The following DDX24 variants were observed in gnomAD, a reference collection of about 807,000 sequenced individuals.
DDX24 encodes ATP-dependent RNA helicase DDX24.
In DDX24, 24 loss-of-function variants were observed where a neutral mutation model predicts 68.9. That is an observed-to-expected ratio of 0.35 (90% CI 0.25 to 0.49). The LOEUF is 0.49. DDX24 is among the 20% of genes least tolerant of loss of function. The pLI is 0.99. For synonymous variants in DDX24, 395 were observed against 385.2 expected (o/e 1.03, Z -0.30); for missense variants, 989 against 1,039.0 (o/e 0.95, Z 0.66).
At position 94,055,028 on chromosome 14, in the gene DDX24, G is replaced by C; in HGVS notation, c.2146C>G (p.Pro716Ala). 2.5e-6 allele frequency: 4 copies of C among 1,614,154 alleles called. No individual in the cohort carries two copies. Among genetic ancestry groups the C allele is most frequent in the Non-Finnish European group, 3.4e-6 (4 of 1,180,018 alleles). The change falls in exon 7 of 9, where the codon CCC (proline) becomes GCC (alanine). Residue 716 changes from proline (P) to alanine (A), a missense_variant. Around this residue, in one of 3 missense-constraint regions of DDX24, gnomAD observed 691 missense variants for 760.0 expected, o/e 0.91. Coordinates refer to ENST00000621632, the MANE Select transcript of DDX24 (RefSeq NM_020414.4). ...LKKDEDIPLFPVQTKYMDVVK... is the reference protein window; with the variant it reads ...LKKDEDIPLFAVQTKYMDVVK... ...ACATCCATGTATTTTGTCTGCACGG[G>C]GAACAGTGGGATATCCTCATCTTTC...
At chr14:94,076,411 A>G (rs1885941181) in intron 2 of DDX24, among the ~76,000 whole-genome samples, 1 of 152,136 alleles carries the variant, frequency 6.6e-6, no homozygotes, top group African/African-American at 2.4e-5. Flanking sequence ...GGCCGGGGAC[A>G]GTGGCTCACA....
intron 8 of DDX24, 72 bp downstream of exon 8, chr14:94,052,926 G>A: frequency 6.5e-7 from 1 of 1,548,816 alleles, no homozygotes; most frequent in East Asian, 2.3e-5. Context: ...CAGTAGTAGA[G>A]ATGGTTCCAA....
At chr14:94,058,723 C>T (rs1567058227) in intron 5 of DDX24, among the ~76,000 whole-genome samples, 1 of 152,220 alleles carries the variant, frequency 6.6e-6, no homozygotes, top group African/African-American at 2.4e-5. Context: ...CCCTGCATGT[C>T]TGAGCTGAGG....
intron 7 of DDX24, 89 bp downstream of exon 7, chr14:94,054,907 G>T: frequency 7.0e-7 from 1 of 1,428,854 alleles, no homozygotes; most frequent in Non-Finnish European, 9.7e-7. Context: ...AGTTTTCAAG[G>T]GTTATGCTGC....
chr14:94,079,174 T>C lies in DDX24; in HGVS notation c.569A>G (p.Asp190Gly). The C allele has an allele frequency of 6.2e-7, 1 of 1,614,226 alleles. No homozygotes were observed. The highest frequency in any genetic ancestry group is 8.5e-7 in the Non-Finnish European group (1 of 1,180,048). Reference sequence around the variant, plus strand: ...AAACAGGTCCTTCCAAGCTGACACATCTGCTTTCTGATCATGAACTTCAGG... The same window carrying C: ...AAACAGGTCCTTCCAAGCTGACACACCTGCTTTCTGATCATGAACTTCAGG... The part of the protein sequence containing the change: ...WIPEVHDQKA[D>G]VSAWKDLFVP... The change falls in exon 2 of 9, where the codon GAT becomes GGT. Residue 190 changes from aspartate to glycine, a missense_variant. Asp to Gly is a moderately conservative substitution (Grantham distance 94). Around this residue, in one of 3 missense-constraint regions of DDX24, gnomAD observed 295 missense variants for 263.0 expected, o/e 1.12. Coordinates refer to ENST00000621632, the MANE Select transcript of DDX24 (RefSeq NM_020414.4).
In DDX24 at chr14:94,062,595, T is replaced by C. The variant is rs1435981130; in HGVS notation, c.745A>G (p.Ile249Val). 6.2e-7 allele frequency: 1 copy of C among 1,601,032 alleles called. No homozygotes were observed. Among genetic ancestry groups the C allele is most frequent in the South Asian group, 1.1e-5 (1 of 88,490 alleles). The change falls in exon 3 of 9, where the codon ATC becomes GTC. Residue 249 changes from isoleucine (I) to valine (V), a missense_variant. Physicochemically the swap from Ile to Val is conservative, Grantham distance 29. Transcript: ENST00000621632. ...TGCAACACCGCATGAATCATTGGGA[T>C]GGCAAAGGCAAGAGTTTTCCCACTT... ...TGSGKTLAFA[I>V]PMIHAVLQWQ...
intron 2 of DDX24, among the ~76,000 whole-genome samples, chr14:94,070,903 A>C (rs1340147261): frequency 6.6e-6 from 1 of 152,218 alleles, no homozygotes. Flanking sequence ...AAACTATAAA[A>C]ATTCCAGAAA....
intron 2 of DDX24, among the ~76,000 whole-genome samples, chr14:94,073,860 G>A (rs9646174): frequency 0.14 from 20,725 of 151,712 alleles, 1,916 homozygotes; most frequent in Middle Eastern, 0.22. Context: ...TGGTTAACAC[G>A]GTGAAACCCT....
intron 2 of DDX24, among the ~76,000 whole-genome samples, chr14:94,078,007 G>C (rs968084433): frequency 6.6e-6 from 1 of 151,296 alleles, no homozygotes; most frequent in Non-Finnish European, 1.5e-5. Context: ...TGCATCTGTG[G>C]ATCGACAATA....
At chr14:94,072,341 T>A (rs184628284) in intron 2 of DDX24, among the ~76,000 whole-genome samples, 1 of 152,286 alleles carries the variant, frequency 6.6e-6, no homozygotes, top group East Asian at 1.9e-4. Context: ...CTAAGTGAGG[T>A]AACTCAGGAA....
rs375550422 is a variant in DDX24 at position 94,066,832 on chromosome 14, C to T, written c.719-4211G>A. On this transcript the variant is annotated intron_variant, in intron 2 of 8. Coordinates refer to ENST00000621632, the MANE Select transcript of DDX24 (RefSeq NM_020414.4). The stretch of plus-strand genomic sequence containing the variant: ...ACTCCATGAGACAAAAGAATCTGAA[C>T]AACAGCCTTCAGCCCTAGACCTTCC... 7.9e-5 allele frequency among the ~76,000 whole-genome samples: 12 copies of T among 152,308 alleles called. No individual in the cohort carries two copies. The East Asian group carries it at 2.3e-3, about 29-fold the overall frequency.
chr14:94,079,623 T>C lies in DDX24; in HGVS notation c.120A>G (p.Ala40=). The C allele has an allele frequency of 3.7e-6, 6 of 1,614,218 alleles. No individual in the cohort carries two copies. Among genetic ancestry groups the C allele is most frequent in the Non-Finnish European group, 5.1e-6 (6 of 1,180,040 alleles). Residue 40 remains alanine, a synonymous_variant, in exon 2 of 9, where the codon GCA becomes GCG. Transcript: ENST00000621632. Reference sequence around the variant, plus strand: ...ACACCAAGTCATCCATCTGTCCATCTGCAAACATATTTGGGTCAATCTTCA... The same window carrying C: ...ACACCAAGTCATCCATCTGTCCATCCGCAAACATATTTGGGTCAATCTTCA... ...KEVKIDPNMF[A]DGQMDDLVCF...
intron 2 of DDX24, among the ~76,000 whole-genome samples, chr14:94,064,751 T>C (rs1309114991): frequency 6.6e-6 from 1 of 152,350 alleles, no homozygotes; most frequent in East Asian, 1.9e-4. Flanking sequence ...ACAAGTAAAG[T>C]GTTTCCCTGA....
At chr14:94,061,949 C>T (rs746011166) in intron 3 of DDX24, 148 bp downstream of exon 3, 1 of 896,808 alleles carries the variant, frequency 1.1e-6, no homozygotes, top group Non-Finnish European at 1.6e-6. Context: ...AAAAATGTCA[C>T]TATATCAATT....
chr14:94,065,561 G>T (rs377575339), intron 2 of DDX24, among the ~76,000 whole-genome samples: 2 of 152,192 alleles, frequency 1.3e-5, no homozygotes, highest in Non-Finnish European at 2.9e-5. Flanking sequence ...GGCTTGCATT[G>T]TGAGTTTTAG....
intron 5 of DDX24, 54 bp downstream of exon 5, chr14:94,060,042 CCT>C (rs1246569198): frequency 3.3e-6 from 5 of 1,538,236 alleles, no homozygotes; most frequent in African/African-American, 1.4e-5. Flanking sequence ...CATCCTGACC[CCT>C]TTTACCCCAG....
In DDX24 at chr14:94,060,975, T is replaced by A; in HGVS notation, c.1335A>T (p.Pro445=). Residue 445 remains proline, a synonymous_variant, in exon 4 of 9, where the codon CCA becomes CCT. Coordinates refer to ENST00000621632, the MANE Select transcript of DDX24 (RefSeq NM_020414.4). The part of the protein sequence containing the change: ...NRRPEIVVAT[P]GRLWELIKEK... Reference sequence around the variant, plus strand: ...CTTTAATTAATTCCCACAGCCGGCCTGGAGTAGCAACCACAATCTCAGGAC... The same window carrying A: ...CTTTAATTAATTCCCACAGCCGGCCAGGAGTAGCAACCACAATCTCAGGAC... The A allele has an allele frequency of 6.2e-7, 1 of 1,614,212 alleles. No individual in the cohort carries two copies. The highest frequency in any genetic ancestry group is 8.5e-7 in the Non-Finnish European group (1 of 1,180,030).
intron 5 of DDX24, among the ~76,000 whole-genome samples, chr14:94,059,200 T>C (rs566320163): frequency 1.3e-5 from 2 of 152,394 alleles, no homozygotes; most frequent in East Asian, 3.9e-4. Flanking sequence ...ACACTTGTTC[T>C]AGAAACTAAT....
chr14:94,071,776 T>A (rs1885836755), intron 2 of DDX24, among the ~76,000 whole-genome samples: 1 of 151,988 alleles, frequency 6.6e-6, no homozygotes, highest in Admixed American at 6.6e-5. Context: ...AGAAACCACG[T>A]CTCTACTAAA....
Sources: allele counts gnomAD v4.1 joint callset (sites outside exome capture counted in the v4.1 genomes callset), GRCh38; gene constraint gnomAD v4.1.1; regional missense constraint gnomAD v4.1.1; transcripts MANE v1.5; gene names NCBI Gene and HGNC (gene_info 2026-07-23, HGNC 2026-07-21).